The following CSMD3 variants were observed in gnomAD, a reference collection of about 807,000 sequenced individuals.
CSMD3 encodes the protein CUB and sushi domain-containing protein 3.
In CSMD3, 177 loss-of-function variants were observed where a neutral mutation model predicts 435.2. The ratio of observed to expected loss-of-function variants is 0.41; its 90% confidence interval spans 0.36 to 0.46. CSMD3 has a LOEUF of 0.46. Ranked by LOEUF, CSMD3 falls within the 20% of genes least tolerant of loss-of-function variation. The pLI is 0.34. For synonymous variants in CSMD3, 1,656 were observed against 1,520.5 expected (o/e 1.09, Z -2.07); for missense variants, 4,265 against 4,504.6 (o/e 0.95, Z 1.52).
chr8:112,483,413 G>A (rs578165364), intron 31 of CSMD3, among the ~76,000 whole-genome samples: 11 of 152,202 alleles, frequency 7.2e-5, no homozygotes, highest in African/African-American at 2.6e-4. Flanking sequence ...GAACCAGGAG[G>A]CAGAGATTCC....
chr8:112,832,727 G>A (rs2079911288), intron 11 of CSMD3, among the ~76,000 whole-genome samples: 1 of 152,092 alleles, frequency 6.6e-6, no homozygotes, highest in African/African-American at 2.4e-5. Context: ...GTACAACCTT[G>A]AAAAGAAGAC....
At position 112,302,923 on chromosome 8, in the gene CSMD3, G is replaced by GA. The variant is rs565748125; in HGVS notation, c.8267-958dup. Reference sequence around the variant, plus strand: ...TAAAAGATGATTAAATGGAGGACCAGAAAAAAAATACTATTTTTTTCTTTT... The same window carrying GA: ...TAAAAGATGATTAAATGGAGGACCAGAAAAAAAAATACTATTTTTTTCTTTT... On this transcript the variant is annotated intron_variant, in intron 52 of 70. Transcript: ENST00000297405. Among the ~76,000 whole-genome samples, 265 of 151,044 alleles carry GA rather than the reference G, an allele frequency of 1.8e-3. 1 individual carries two copies. The highest frequency in any genetic ancestry group is 6.2e-3 in the African/African-American group (258 of 41,330).
chr8:113,395,694 T>C (rs1244750892), intron 1 of CSMD3, among the ~76,000 whole-genome samples: 1 of 152,082 alleles, frequency 6.6e-6, no homozygotes, highest in Admixed American at 6.6e-5. Flanking sequence ...TTTTAGCAAC[T>C]ATTTCTGTGT....
chr8:112,724,783 T>G (rs1032274330), intron 13 of CSMD3, among the ~76,000 whole-genome samples: 3 of 151,944 alleles, frequency 2.0e-5, no homozygotes, highest in African/African-American at 7.2e-5. Context: ...GAAGTTGCAT[T>G]AACATTAAGT....
At chr8:113,311,970 C>CT (rs1411076590) in intron 2 of CSMD3, 2 of 151,886 alleles carry the variant, frequency 1.3e-5, no homozygotes, top group Non-Finnish European at 2.9e-5. Flanking sequence ...TGTAGCTTAC[C>CT]TTTCGGTTTA....
chr8:112,794,906 T>C (rs921381268), intron 13 of CSMD3, among the ~76,000 whole-genome samples: 1 of 152,238 alleles, frequency 6.6e-6, no homozygotes, highest in South Asian at 2.1e-4. Flanking sequence ...TTATTGTGTA[T>C]GACCTGGAAA....
intron 27 of CSMD3, among the ~76,000 whole-genome samples, chr8:112,541,730 G>T (rs1826682414): frequency 6.6e-6 from 1 of 151,328 alleles, no homozygotes; most frequent in African/African-American, 2.4e-5. Context: ...CCCGCAAATT[G>T]AAACAAAACA....
intron 6 of CSMD3, among the ~76,000 whole-genome samples, chr8:112,978,986 T>C (rs1176163252): frequency 1.3e-5 from 2 of 151,962 alleles, no homozygotes; most frequent in African/African-American, 4.8e-5. Flanking sequence ...ATTGTTACCA[T>C]GCAAAAGTCG....
chr8:112,231,457 T>G (rs1813078544), intron 69 of CSMD3, 88 bp downstream of exon 69: 2 of 839,028 alleles, frequency 2.4e-6, no homozygotes, highest in Non-Finnish European at 4.2e-6. Context: ...ATGCAGTAAG[T>G]GTACCTAATG....
At chr8:112,477,369 A>G (rs1819159025) in intron 31 of CSMD3, among the ~76,000 whole-genome samples, 1 of 152,208 alleles carries the variant, frequency 6.6e-6, no homozygotes, top group African/African-American at 2.4e-5. Context: ...TTGAGGGAAT[A>G]GCAAACCCAT....
chr8:113,142,153 T>C (rs1000233354), intron 4 of CSMD3, among the ~76,000 whole-genome samples: 2 of 151,238 alleles, frequency 1.3e-5, no homozygotes, highest in Admixed American at 6.6e-5. Flanking sequence ...GCTGTATTCA[T>C]GGATTGGACG....
At chr8:112,241,841 T>TTC in intron 65 of CSMD3, 56 bp from the exon 66 acceptor site, 4 of 798,942 alleles carry the variant, frequency 5.0e-6, no homozygotes, top group Non-Finnish European at 8.4e-6. Context: ...TACATACACA[T>TTC]GCGCACACAC....
chr8:112,772,393 A>G (rs1484813159), intron 13 of CSMD3, among the ~76,000 whole-genome samples: 2 of 152,112 alleles, frequency 1.3e-5, no homozygotes, highest in Non-Finnish European at 2.9e-5. Context: ...TGTTAAACAA[A>G]TGCTTGAAGG....
At chr8:112,713,688 C>T (rs1001780703) in intron 13 of CSMD3, among the ~76,000 whole-genome samples, 1 of 152,160 alleles carries the variant, frequency 6.6e-6, no homozygotes, top group Non-Finnish European at 1.5e-5. Flanking sequence ...GCCAGGTCAC[C>T]TACAAGTGGA....
intron 59 of CSMD3, among the ~76,000 whole-genome samples, chr8:112,271,539 A>C (rs532541274): frequency 6.6e-6 from 1 of 152,176 alleles, no homozygotes; most frequent in African/African-American, 2.4e-5. Flanking sequence ...ATAAAAGTAT[A>C]CTAAAGAACA....
intron 32 of CSMD3, among the ~76,000 whole-genome samples, chr8:112,423,828 C>T (rs1586277629): frequency 2.0e-5 from 3 of 152,058 alleles, no homozygotes. Context: ...AATGTTTGAG[C>T]CTCTACCTCT....
chr8:112,527,687 G>A (rs1338203377), intron 27 of CSMD3, among the ~76,000 whole-genome samples: 2 of 151,722 alleles, frequency 1.3e-5, no homozygotes, highest in Non-Finnish European at 2.9e-5. Context: ...ACAAGTCTCA[G>A]TAAATTTAAA....
intron 6 of CSMD3, among the ~76,000 whole-genome samples, chr8:113,002,307 A>G (rs1233671605): frequency 2.0e-5 from 3 of 152,146 alleles, no homozygotes; most frequent in African/African-American, 7.2e-5. Flanking sequence ...CTTATAAAAG[A>G]TTCCAGCACT....
intron 27 of CSMD3, among the ~76,000 whole-genome samples, chr8:112,540,053 C>CA (rs902272217): frequency 2.6e-5 from 4 of 151,382 alleles, no homozygotes; most frequent in South Asian, 4.2e-4. Flanking sequence ...AACTCAATAG[C>CA]AAAAAAACAC....
Sources: allele counts gnomAD v4.1 joint callset (sites outside exome capture counted in the v4.1 genomes callset), GRCh38; gene constraint gnomAD v4.1.1; transcripts MANE v1.5; gene names NCBI Gene and HGNC (gene_info 2026-07-23, HGNC 2026-07-21).